Variants in JRK observed in about 807,000 individuals in gnomAD.
JRK encodes Jrk helix-turn-helix protein, also known as jerky protein homolog.
For synonymous variants in JRK, 303 were observed against 218.1 expected, an observed-to-expected ratio of 1.39 and a Z score of -3.43; for missense variants, 720 against 509.2, an observed-to-expected ratio of 1.41 and a Z score of -3.98.
rs587651764 is a variant in JRK, at chr8:142,665,960, C to T, written c.99G>A (p.Glu33=). 21 of 1,002,660 alleles carry T rather than the reference C, an allele frequency of 2.1e-5. No homozygotes were observed. The East Asian group carries it at 4.7e-4, about 23-fold the overall frequency. The allele number at this position is 1,002,660 out of a possible 1,614,324, so 62.1% of individuals were successfully genotyped here. ...KEKIDICTRL[E]KGESRKALMQ... ...TCAGTGCCTTCCGGCTCTCGCCCTTCTCCAGGCGCGTGCAGATGTCAATCT... is the reference window on the plus strand; with the variant it reads ...TCAGTGCCTTCCGGCTCTCGCCCTTTTCCAGGCGCGTGCAGATGTCAATCT... The change falls in exon 2 of 2, where the codon GAG becomes GAA. Residue 33 remains glutamate, a synonymous_variant. Transcript: ENST00000612905.
chr8:142,661,877 A>T lies in JRK; in HGVS notation c.*2475T>A. On this transcript the variant is annotated 3_prime_UTR_variant, in exon 2 of 2. Transcript: ENST00000612905. Reference sequence around the variant, plus strand: ...AAACAAAGTGCTCGGAGGACACGGCAGTCTCCATAAAGCGTTCTGGGGGAC... The same window carrying T: ...AAACAAAGTGCTCGGAGGACACGGCTGTCTCCATAAAGCGTTCTGGGGGAC... 1 of 985,536 alleles carries T rather than the reference A, an allele frequency of 1.0e-6. No homozygotes were observed. The highest frequency in any genetic ancestry group is 1.2e-6 in the Non-Finnish European group (1 of 830,004). 61.0% of individuals were successfully genotyped at this position (985,536 alleles called of 1,614,324 possible). A position where few individuals can be genotyped will look rare whatever the true frequency, so the allele number is the denominator to read the frequency against.
chr8:142,666,508 A>G lies in JRK; in HGVS notation c.-450T>C. ...GGTCCACAATGGTATCTCCAGGCAC[A>G]GCACTTCAGGGGCTGGAAAGCAGAG... is the stretch of plus-strand genomic sequence containing the variant. On this transcript the variant is annotated 5_prime_UTR_variant, in exon 2 of 2. Transcript: ENST00000612905. 3.6e-6 allele frequency: 1 copy of G among 279,956 alleles called. No individual in the cohort carries two copies. Among genetic ancestry groups the G allele is most frequent in the Non-Finnish European group, 7.4e-6 (1 of 135,772 alleles). The allele number at this position is 279,956 out of a possible 1,614,324, so 17.3% of individuals were successfully genotyped here.
In JRK at chr8:142,666,132, T is replaced by C. The variant is rs2129787333; in HGVS notation, c.-74A>G. ...GGCTGCTGCCACTACTTCCCTCTCC[T>C]CCTGCTCCCCTTCTGGGGCTCCGTC... is the stretch of plus-strand genomic sequence containing the variant. On this transcript the variant is annotated 5_prime_UTR_variant, in exon 2 of 2. Transcript: ENST00000612905. 6.5e-7 allele frequency: 1 copy of C among 1,550,016 alleles called. No individual in the cohort carries two copies. Among genetic ancestry groups the C allele is most frequent in the Non-Finnish European group, 8.7e-7 (1 of 1,147,054 alleles).
Position 142,665,452 on chromosome 8 carries a change from C to A in JRK, c.607G>T (p.Gly203Cys). The A allele has an allele frequency of 1.4e-6, 1 of 717,976 alleles. No individual in the cohort carries two copies. Among genetic ancestry groups the A allele is most frequent in the Non-Finnish European group, 2.6e-6 (1 of 385,100 alleles). 44.5% of individuals were successfully genotyped at this position (717,976 alleles called of 1,614,324 possible). A position where few individuals can be genotyped will look rare whatever the true frequency, so the allele number is the denominator to read the frequency against. The change falls in exon 2 of 2, where the codon GGC becomes TGC. Residue 203 changes from glycine (G) to cysteine (C), a missense_variant. Transcript: ENST00000612905. ...WRCLPNPTPE[G>C]GAVPGPKQGK... ...TGCTTGGGGCCAGGCACAGCCCCGC[C>A]TTCCGGAGTGGGATTTGGCAGGCAC... is the stretch of plus-strand genomic sequence containing the variant.
chr8:142,664,621 C>T lies in JRK; in HGVS notation c.1438G>A (p.Gly480Ser). The change falls in exon 2 of 2, where the codon GGT (glycine) becomes AGT (serine). Residue 480 changes from glycine to serine, a missense_variant. By Grantham distance (56) the Gly-to-Ser change is moderately conservative (BLOSUM62 0). Coordinates refer to ENST00000612905, the MANE Select transcript of JRK (RefSeq NM_003724.4). ...KADQDGRGDP[G>S]EGEEVAWEQA... ...TCCCAGGCCACCTCCTCGCCCTCAC[C>T]AGGATCTCCTCTGCCGTCCTGGTCA... 1 of 1,610,930 alleles carries T rather than the reference C, an allele frequency of 6.2e-7. No individual in the cohort carries two copies.
chr8:142,653,261 G>A (rs1554633354), downstream of JRK, among the ~76,000 whole-genome samples: 1 of 152,206 alleles, frequency 6.6e-6, no homozygotes, highest in African/African-American at 2.4e-5. Flanking sequence ...GAGGGGCCTG[G>A]ATTCTGCTAA....
rs1554635571 is a variant in JRK, at chr8:142,665,198, A to G, written c.861T>C (p.Gly287=). ...PSVREHFRTI[G]LPEDSKAVLL... is the part of the protein sequence containing the mutation. Reference sequence around the variant, plus strand: ...GAACGGCTTTGCTGTCTTCCGGCAAACCTATGGTTCTGAAGTGCTCTCTCA... The same window carrying G: ...GAACGGCTTTGCTGTCTTCCGGCAAGCCTATGGTTCTGAAGTGCTCTCTCA... The change falls in exon 2 of 2, where the codon GGT becomes GGC. Residue 287 remains glycine (G), a synonymous_variant. Coordinates refer to ENST00000612905, the MANE Select transcript of JRK (RefSeq NM_003724.4). The G allele has an allele frequency of 1.4e-6, 1 of 717,848 alleles. No individual in the cohort carries two copies. The highest frequency in any genetic ancestry group is 2.7e-5 in the East Asian group (1 of 37,278). The allele number at this position is 717,848 out of a possible 1,614,324, so 44.5% of individuals were successfully genotyped here. A position where few individuals can be genotyped will look rare whatever the true frequency, so the allele number is the denominator to read the frequency against.
chr8:142,664,875 G>C lies in JRK; in HGVS notation c.1184C>G (p.Ser395Cys), dbSNP rs782471587. Residue 395 changes from serine to cysteine, a missense_variant, in exon 2 of 2, where the codon TCC becomes TGC. By Grantham distance (112) the Ser-to-Cys change is moderately radical. Coordinates refer to ENST00000612905, the MANE Select transcript of JRK (RefSeq NM_003724.4). ...TGCCTCCAACTCCTCCTCAGAGGAGGAGCCTTCGGCAAACGCAACCGACGG... is the reference window on the plus strand; with the variant it reads ...TGCCTCCAACTCCTCCTCAGAGGAGCAGCCTTCGGCAAACGCAACCGACGG... ...LWPSVAFAEG[S>C]SSEEELEAEC... is the part of the protein sequence containing the mutation. The C allele has an allele frequency of 5.2e-5, 73 of 1,413,960 alleles. No individual in the cohort carries two copies. In the Admixed American group the frequency reaches 1.2e-3, roughly 23 times the overall value. 87.6% of individuals were successfully genotyped at this position (1,413,960 alleles called of 1,614,324 possible).
At chr8:142,644,895 A>G in the JRK span, among the ~76,000 whole-genome samples, 1 of 152,238 alleles carries the variant, frequency 6.6e-6, no homozygotes, top group Admixed American at 6.5e-5. Context: ...GAGTTAGTTA[A>G]TGCTTCCAGA....
Position 142,659,461 on chromosome 8 carries a change from C to G in JRK, c.*4891G>C. 8.1e-6 allele frequency: 8 copies of G among 986,420 alleles called. No individual in the cohort carries two copies. Among genetic ancestry groups the G allele is most frequent in the Non-Finnish European group, 9.6e-6 (8 of 830,574 alleles). The allele number at this position is 986,420 out of a possible 1,614,324, so 61.1% of individuals were successfully genotyped here. A position where few individuals can be genotyped will look rare whatever the true frequency, so the allele number is the denominator to read the frequency against. ...ACCTCGTAGCTTGCTTCCCAGCCAG[C>G]CTGGGTGTGGAAATGGCCGTGCTGA... On this transcript the variant is annotated 3_prime_UTR_variant, in exon 2 of 2. Coordinates refer to ENST00000612905, the MANE Select transcript of JRK (RefSeq NM_003724.4).
downstream of JRK, among the ~76,000 whole-genome samples, chr8:142,653,837 G>C (rs587667619): frequency 6.6e-6 from 1 of 152,234 alleles, no homozygotes; most frequent in African/African-American, 2.4e-5. Flanking sequence ...CCTAGGCCCT[G>C]CCCACCAAAC....
the JRK span, among the ~76,000 whole-genome samples, chr8:142,649,270 T>A: frequency 6.6e-6 from 1 of 152,104 alleles, no homozygotes; most frequent in African/African-American, 2.4e-5. Context: ...GACATGAGAT[T>A]TGGGAGGGGC....
At chr8:142,668,076 A>T (rs1554636534) in intron 1 of JRK, among the ~76,000 whole-genome samples, 1 of 152,236 alleles carries the variant, frequency 6.6e-6, no homozygotes. Context: ...TGCTATGGGC[A>T]GGGGTCTCCC....
rs1846887013 is a variant in JRK, at chr8:142,660,699, GAT to G, written c.*3651_*3652del. On this transcript the variant is annotated 3_prime_UTR_variant, in exon 2 of 2. Coordinates refer to ENST00000612905, the MANE Select transcript of JRK (RefSeq NM_003724.4). ...TTTCAGGCAGAAGCCACCACACCCG[GAT>G]CCCCAATAAGCACATTTATGTGGGG... 4.6e-5 allele frequency: 45 copies of G among 985,164 alleles called. No individual in the cohort carries two copies. The highest frequency in any genetic ancestry group is 5.2e-4 in the Middle Eastern group (1 of 1,920). 61.0% of individuals were successfully genotyped at this position (985,164 alleles called of 1,614,324 possible).
the JRK span, among the ~76,000 whole-genome samples, chr8:142,646,780 CT>C: frequency 5.3e-5 from 8 of 152,240 alleles, no homozygotes; most frequent in South Asian, 2.1e-4. Flanking sequence ...AATCAGAGCT[CT>C]TTTATATATT....
At position 142,662,788 on chromosome 8, in the gene JRK, T is replaced by C. The variant is rs1846958101; in HGVS notation, c.*1564A>G. ...AGCAGACGCTGGAATGCAAACTACG[T>C]GCTGACTCGGCCAAATGATATGAAT... is the stretch of plus-strand genomic sequence containing the variant. On this transcript the variant is annotated 3_prime_UTR_variant, in exon 2 of 2. Transcript: ENST00000612905. 1 of 985,312 alleles carries C rather than the reference T, an allele frequency of 1.0e-6. No individual in the cohort carries two copies. The highest frequency in any genetic ancestry group is 1.7e-5 in the African/African-American group (1 of 57,226). 61.0% of individuals were successfully genotyped at this position (985,312 alleles called of 1,614,324 possible). A position where few individuals can be genotyped will look rare whatever the true frequency, so the allele number is the denominator to read the frequency against.
Position 142,661,812 on chromosome 8 carries a change from C to T in JRK, c.*2540G>A. On this transcript the variant is annotated 3_prime_UTR_variant, in exon 2 of 2. Transcript: ENST00000612905. ...GGGGAAAAAGATTCTGAGGCTAAAA[C>T]ATTCAACCACTTGAGCTTCTGAGAC... 1.0e-6 allele frequency: 1 copy of T among 985,622 alleles called. No homozygotes were observed. Among genetic ancestry groups the T allele is most frequent in the Non-Finnish European group, 1.2e-6 (1 of 830,086 alleles). The allele number at this position is 985,622 out of a possible 1,614,324, so 61.1% of individuals were successfully genotyped here.
chr8:142,656,349 C>T (rs1167181700), downstream of JRK, among the ~76,000 whole-genome samples: 1 of 152,204 alleles, frequency 6.6e-6, no homozygotes, highest in Non-Finnish European at 1.5e-5. Context: ...CTCAGGAGCA[C>T]AGCCTAGGTT....
At chr8:142,648,550 A>T in the JRK span, among the ~76,000 whole-genome samples, 1 of 152,236 alleles carries the variant, frequency 6.6e-6, no homozygotes, top group African/African-American at 2.4e-5. Flanking sequence ...CATGGTGTTG[A>T]GCCTGTGAGT....
Sources: allele counts gnomAD v4.1 joint callset (sites outside exome capture counted in the v4.1 genomes callset), GRCh38; gene constraint gnomAD v4.1.1; transcripts MANE v1.5; gene names NCBI Gene and HGNC (gene_info 2026-07-23, HGNC 2026-07-21).